The following UGT1A3 variants were observed in gnomAD, a reference collection of about 807,000 sequenced individuals.
The protein encoded by UGT1A3 is UDP glucuronosyltransferase family 1 member A3.
In UGT1A3, 31 loss-of-function variants were observed where a neutral mutation model predicts 41.0. The ratio of observed to expected loss-of-function variants is 0.76; its 90% confidence interval spans 0.57 to 1.02. UGT1A3 has a LOEUF of 1.02. Ranked by LOEUF, UGT1A3 falls within the 50% of genes least tolerant of loss-of-function variation. UGT1A3 has a pLI of 0.00. For missense variants in UGT1A3, 737 were observed against 671.0 expected (o/e 1.10, Z -1.09); for synonymous variants, 262 against 257.6 (o/e 1.02, Z -0.17).
chr2:233,769,826 G>A lies in UGT1A3; in HGVS notation c.1307+1387G>A. ...GCCGTGATCATGCCACTGCACTCCA[G>A]CAACCTGGGCAACAGAGTGAGACCC... On this transcript the variant is annotated intron_variant, in intron 4 of 4. Transcript: ENST00000482026. This position sits in a 1 kb window ranked among gnomAD's most constrained non-coding sequence, Gnocchi z 4.4. 1.5e-6 allele frequency: 1 copy of A among 678,694 alleles called. No individual in the cohort carries two copies. Among genetic ancestry groups the A allele is most frequent in the East Asian group, 3.3e-5 (1 of 29,888 alleles). The allele number at this position is 678,694 out of a possible 1,614,324, so 42.0% of individuals were successfully genotyped here.
chr2:233,730,318 A>G (rs972603934), intron 1 of UGT1A3, among the ~76,000 whole-genome samples: 3 of 152,210 alleles, frequency 2.0e-5, no homozygotes, highest in African/African-American at 7.2e-5. Flanking sequence ...TGGCAGGAAC[A>G]GGGACACTAC....
Position 233,767,857 on chromosome 2 carries a change from G to T in UGT1A3, c.1008G>T (p.Trp336Cys). 6.2e-7 allele frequency: 1 copy of T among 1,614,112 alleles called. No individual in the cohort carries two copies. Among genetic ancestry groups the T allele is most frequent in the South Asian group, 1.1e-5 (1 of 91,072 alleles). The change falls in exon 3 of 5, where the codon TGG becomes TGT. Residue 336 changes from tryptophan to cysteine, a missense_variant. By Grantham distance (215) the Trp-to-Cys change is radical (BLOSUM62 -2). Transcript: ENST00000482026. ...CTTTTTGCCCCTCCCAGGTCCTGTG[G>T]CGGTACACTGGAACCCGACCATCGA... is the stretch of plus-strand genomic sequence containing the variant. The part of the protein sequence containing the change: ...ALGKIPQTVL[W>C]RYTGTRPSNL...
chr2:233,756,647 A>G (rs924838506), intron 1 of UGT1A3, among the ~76,000 whole-genome samples: 33 of 152,308 alleles, frequency 2.2e-4, no homozygotes, highest in African/African-American at 5.1e-4. Flanking sequence ...GGGGATAAAC[A>G]TGGGATGCAG....
intron 4 of UGT1A3, 40 bp downstream of exon 4, chr2:233,768,479 T>C: frequency 6.3e-7 from 1 of 1,593,226 alleles, no homozygotes; most frequent in Non-Finnish European, 8.6e-7. Context: ...GGTCATGGCA[T>C]TCATGATAAA....
rs72551343 is a variant in UGT1A3, at chr2:233,760,912, C to T, written c.868-6122C>T. 1.4e-5 allele frequency: 23 copies of T among 1,614,070 alleles called. 1 individual carries two copies. In the South Asian group the frequency reaches 1.5e-4, roughly 11 times the overall value. On this transcript the variant is annotated intron_variant, in intron 1 of 4. Transcript: ENST00000482026. ...TTCAGATCACATGACCTTCCTGCAGCGGGTGAAGAACATGCTCATTGCCTT... is the reference window on the plus strand; with the variant it reads ...TTCAGATCACATGACCTTCCTGCAGTGGGTGAAGAACATGCTCATTGCCTT...
At chr2:233,749,493 CT>C (rs951030576) in intron 1 of UGT1A3, among the ~76,000 whole-genome samples, 1 of 151,760 alleles carries the variant, frequency 6.6e-6, no homozygotes, top group Non-Finnish European at 1.5e-5. Context: ...TGCTATGCCC[CT>C]TAGAGAATTA....
At position 233,729,952 on chromosome 2, in the gene UGT1A3, A is replaced by T; in HGVS notation, c.826A>T (p.Ile276Phe). 1 of 1,614,072 alleles carries T rather than the reference A, an allele frequency of 6.2e-7. No individual in the cohort carries two copies. The highest frequency in any genetic ancestry group is 1.1e-5 in the South Asian group (1 of 91,078). Reference protein sequence around the residue: ...PRPIMPNMVFIGGINCANRKP... With the variant: ...PRPIMPNMVFFGGINCANRKP... ...GCCAATCATGCCCAACATGGTCTTC[A>T]TTGGGGGCATCAACTGTGCCAACAG... The change falls in exon 1 of 5, where the codon ATT becomes TTT. Residue 276 changes from isoleucine to phenylalanine, a missense_variant. Transcript: ENST00000482026.
In UGT1A3 at chr2:233,769,594, G is replaced by A; in HGVS notation, c.1307+1155G>A. 2 of 1,612,864 alleles carry A rather than the reference G, an allele frequency of 1.2e-6. No homozygotes were observed. The highest frequency in any genetic ancestry group is 1.7e-6 in the Non-Finnish European group (2 of 1,179,872). On this transcript the variant is annotated intron_variant, in intron 4 of 4. Coordinates refer to ENST00000482026, the MANE Select transcript of UGT1A3 (RefSeq NM_019093.4). This position sits in a 1 kb window ranked among gnomAD's most constrained non-coding sequence, Gnocchi z 4.4. ...GAGCATGTTCAGATGAGAGGAGACG[G>A]AACACGGGGACACACCAGCTTGAGC... is the stretch of plus-strand genomic sequence containing the variant.
At chr2:233,764,893 C>A (rs1252796776) in intron 1 of UGT1A3, among the ~76,000 whole-genome samples, 1 of 150,656 alleles carries the variant, frequency 6.6e-6, no homozygotes, top group Non-Finnish European at 1.5e-5. Flanking sequence ...AAAGACAAAG[C>A]CCTTAAGAGC....
Position 233,767,734 on chromosome 2 carries a change from ACT to A in UGT1A3, c.1000-112_1000-111del, listed in dbSNP as rs1191822668. On this transcript the variant is annotated intron_variant, in intron 2 of 4. Coordinates refer to ENST00000482026, the MANE Select transcript of UGT1A3 (RefSeq NM_019093.4). Reference sequence around the variant, plus strand: ...AGCCTTCACAGTTACTGATCCTCCCACTCTGTTAAAGACTGTTCCTTCAGAGG... The same window carrying A: ...AGCCTTCACAGTTACTGATCCTCCCACTGTTAAAGACTGTTCCTTCAGAGG... 4 of 1,567,824 alleles carry A rather than the reference ACT, an allele frequency of 2.6e-6. No homozygotes were observed. The Admixed American group carries it at 7.4e-5, about 29-fold the overall frequency.
intron 1 of UGT1A3, among the ~76,000 whole-genome samples, chr2:233,764,915 C>A (rs892234743): frequency 6.6e-6 from 1 of 152,136 alleles, no homozygotes; most frequent in Non-Finnish European, 1.5e-5. Context: ...AGAGGACTCA[C>A]GAGGGCCTGG....
intron 1 of UGT1A3, chr2:233,755,833 G>C (rs1270609595): frequency 1.3e-5 from 2 of 152,294 alleles, no homozygotes; most frequent in Non-Finnish European, 2.9e-5. Flanking sequence ...CATATTCATT[G>C]GGCAATTTAA....
Position 233,773,068 on chromosome 2 carries a change from G to C in UGT1A3, c.*509G>C, listed in dbSNP as rs1488458773. Reference sequence around the variant, plus strand: ...TGTACCTTTAGAGTGTAGGTGAAATGAATGAATGGCTTGGAGTGCACTGAG... The same window carrying C: ...TGTACCTTTAGAGTGTAGGTGAAATCAATGAATGGCTTGGAGTGCACTGAG... On this transcript the variant is annotated 3_prime_UTR_variant, in exon 5 of 5. Coordinates refer to ENST00000482026, the MANE Select transcript of UGT1A3 (RefSeq NM_019093.4). 5.8e-6 allele frequency: 1 copy of C among 171,412 alleles called. No homozygotes were observed. Among genetic ancestry groups the C allele is most frequent in the Non-Finnish European group, 1.3e-5 (1 of 78,258 alleles). The allele number at this position is 171,412 out of a possible 1,614,324, so 10.6% of individuals were successfully genotyped here. A position where few individuals can be genotyped will look rare whatever the true frequency, so the allele number is the denominator to read the frequency against.
intron 1 of UGT1A3, among the ~76,000 whole-genome samples, chr2:233,759,074 G>A (rs550324440): frequency 5.3e-5 from 8 of 152,342 alleles, no homozygotes; most frequent in African/African-American, 1.9e-4. Flanking sequence ...GAATTTGGAA[G>A]AAAGAGACTT....
intron 1 of UGT1A3, among the ~76,000 whole-genome samples, chr2:233,746,122 CTG>C: frequency 6.6e-6 from 1 of 151,872 alleles, no homozygotes; most frequent in Non-Finnish European, 1.5e-5. Flanking sequence ...GTCTGCAAAA[CTG>C]TGGACTGGCA....
rs1387531688 is a variant in UGT1A3 at position 233,769,376 on chromosome 2, C to T, written c.1307+937C>T. On this transcript the variant is annotated intron_variant, in intron 4 of 4. Transcript: ENST00000482026. The surrounding 1 kb of genome is among the most constrained non-coding windows in gnomAD (Gnocchi z 4.4). ...AGTGGTGGCCAGTGGTAGATTTCAT[C>T]CGACAATAGATACTGTGTGCATATG... Among the ~76,000 whole-genome samples the T allele has an allele frequency of 6.6e-6, 1 of 152,162 alleles. No homozygotes were observed. The highest frequency in any genetic ancestry group is 1.5e-5 in the Non-Finnish European group (1 of 68,030).
intron 1 of UGT1A3, among the ~76,000 whole-genome samples, chr2:233,731,531 G>A (rs1424894745): frequency 2.0e-5 from 3 of 152,100 alleles, no homozygotes; most frequent in African/African-American, 4.8e-5. Context: ...GAGAACATGC[G>A]GTGTTTGGTT....
At chr2:233,737,925 G>A (rs1188589801) in intron 1 of UGT1A3, among the ~76,000 whole-genome samples, 1 of 152,078 alleles carries the variant, frequency 6.6e-6, no homozygotes, top group African/African-American at 2.4e-5. Context: ...AGTGTATTTA[G>A]TAGTGAGTCC....
intron 3 of UGT1A3, 132 bp downstream of exon 3, chr2:233,768,068 A>C: frequency 6.3e-7 from 1 of 1,596,810 alleles, no homozygotes; most frequent in African/African-American, 1.3e-5. Flanking sequence ...CTTTTTATCT[A>C]GTGGGGTATC....
Sources: allele counts gnomAD v4.1 joint callset (sites outside exome capture counted in the v4.1 genomes callset), GRCh38; gene constraint gnomAD v4.1.1; non-coding constraint Gnocchi (gnomAD v3.1); transcripts MANE v1.5; gene names NCBI Gene and HGNC (gene_info 2026-07-23, HGNC 2026-07-21).